The following SPATA2 variants were observed in gnomAD, a reference collection of about 807,000 sequenced individuals.
SPATA2 encodes the protein spermatogenesis associated 2.
In SPATA2, 8 loss-of-function variants were observed where a neutral mutation model predicts 35.4. That is an observed-to-expected ratio of 0.23 (90% CI 0.13 to 0.41). The LOEUF (loss-of-function observed/expected upper bound fraction) is 0.41. SPATA2 is among the 10% of genes least tolerant of loss of function. SPATA2 has a pLI of 1.00. For synonymous variants in SPATA2, 293 were observed against 300.9 expected (o/e 0.97, Z 0.27); for missense variants, 650 against 698.7 (o/e 0.93, Z 0.79).
intron 1 of SPATA2, among the ~76,000 whole-genome samples, chr20:49,914,513 C>T (rs896257939): frequency 6.6e-6 from 1 of 152,178 alleles, no homozygotes; most frequent in African/African-American, 2.4e-5. Context: ...CCCACCCACA[C>T]CAATGCACTC....
intron 1 of SPATA2, among the ~76,000 whole-genome samples, chr20:49,910,043 T>G (rs1299595409): frequency 6.6e-6 from 1 of 152,160 alleles, no homozygotes; most frequent in Non-Finnish European, 1.5e-5. Context: ...TACACAATCT[T>G]GTCATCTGCT....
chr20:49,914,968 A>T (rs1272359451), intron 1 of SPATA2, among the ~76,000 whole-genome samples: 1 of 152,200 alleles, frequency 6.6e-6, no homozygotes. Context: ...CAATCACTTA[A>T]ATAGGCAACT....
At position 49,908,210 on chromosome 20, in the gene SPATA2, G is replaced by A. The variant is rs1388071831; in HGVS notation, c.281C>T (p.Thr94Met). The A allele has an allele frequency of 5.0e-6, 8 of 1,613,690 alleles. No individual in the cohort carries two copies. Among genetic ancestry groups the A allele is most frequent in the South Asian group, 2.2e-5 (2 of 91,060 alleles). Residue 94 changes from threonine to methionine, a missense_variant, in exon 2 of 3, where the codon ACG (threonine) becomes ATG (methionine). Coordinates refer to ENST00000289431, the MANE Select transcript of SPATA2 (RefSeq NM_006038.4). ...ALHGAFSMLE[T>M]VGINLFLYPW... Reference sequence around the variant, plus strand: ...GTAGAGGAAGAGGTTGATGCCCACCGTCTCCAGCATGCTGAAGGCGCCGTG... The same window carrying A: ...GTAGAGGAAGAGGTTGATGCCCACCATCTCCAGCATGCTGAAGGCGCCGTG...
At chr20:49,913,086 G>A (rs1276500517) in intron 1 of SPATA2, among the ~76,000 whole-genome samples, 2 of 152,180 alleles carry the variant, frequency 1.3e-5, no homozygotes, top group South Asian at 2.1e-4. Flanking sequence ...TCCGGCCTGG[G>A]TGACAGAGCA....
chr20:49,909,552 A>G (rs1434451091), intron 1 of SPATA2, among the ~76,000 whole-genome samples: 1 of 152,078 alleles, frequency 6.6e-6, no homozygotes, highest in Non-Finnish European at 1.5e-5. Flanking sequence ...CAAAAATACA[A>G]AAAAATTTTT....
chr20:49,908,182 C>G lies in SPATA2; in HGVS notation c.309G>C (p.Pro103=). 1 of 1,610,410 alleles carries G rather than the reference C, an allele frequency of 6.2e-7. No individual in the cohort carries two copies. Among genetic ancestry groups the G allele is most frequent in the Non-Finnish European group, 8.5e-7 (1 of 1,177,884 alleles). ...ETVGINLFLY[P]WKKEFRSIKT... ...TGATGCTTCTGAATTCCTTCTTCCA[C>G]GGGTAGAGGAAGAGGTTGATGCCCA... Residue 103 remains proline (P), a synonymous_variant, in exon 2 of 3, where the codon CCG becomes CCC. Transcript: ENST00000289431.
chr20:49,915,002 T>C (rs2090201518), intron 1 of SPATA2, among the ~76,000 whole-genome samples: 1 of 152,222 alleles, frequency 6.6e-6, no homozygotes, highest in African/African-American at 2.4e-5. Flanking sequence ...TGAAGTGACT[T>C]ATCCAAGGTC....
intron 1 of SPATA2, among the ~76,000 whole-genome samples, chr20:49,909,619 C>T (rs1360147673): frequency 2.0e-5 from 3 of 151,816 alleles, no homozygotes; most frequent in African/African-American, 7.3e-5. Context: ...AAGCTGAGCT[C>T]AGAACCCAGG....
Position 49,904,109 on chromosome 20 carries a change from C to T in SPATA2, c.*1510G>A, listed in dbSNP as rs1318447784. 1 of 152,292 alleles carries T rather than the reference C, an allele frequency of 6.6e-6. No individual in the cohort carries two copies. Among genetic ancestry groups the T allele is most frequent in the East Asian group, 1.9e-4 (1 of 5,192 alleles). The allele number at this position is 152,292 out of a possible 1,614,324, so 9.4% of individuals were successfully genotyped here. On this transcript the variant is annotated 3_prime_UTR_variant, in exon 3 of 3. Transcript: ENST00000289431. ...CCAGAAAAGCCCACTGCATATAAAT[C>T]CCTTAACATTGTGTACATCACAAAC...
chr20:49,904,478 C>G lies in SPATA2; in HGVS notation c.*1141G>C, dbSNP rs1283188249. 1 of 152,606 alleles carries G rather than the reference C, an allele frequency of 6.6e-6. No individual in the cohort carries two copies. Among genetic ancestry groups the G allele is most frequent in the Admixed American group, 6.5e-5 (1 of 15,274 alleles). 9.5% of individuals were successfully genotyped at this position (152,606 alleles called of 1,614,324 possible). ...AACGAGACTCAAGAAGTGTGAAGTG[C>G]AAGGTTCCTGCTCAGCAAGCTATAG... On this transcript the variant is annotated 3_prime_UTR_variant, in exon 3 of 3. Transcript: ENST00000289431.
chr20:49,906,787 C>T lies in SPATA2; in HGVS notation c.395G>A (p.Arg132Gln), dbSNP rs766687991. 9.9e-6 allele frequency: 16 copies of T among 1,613,514 alleles called. No homozygotes were observed. Among genetic ancestry groups the T allele is most frequent in the South Asian group, 4.4e-5 (4 of 91,076 alleles). The change falls in exon 3 of 3, where the codon CGA becomes CAA. Residue 132 changes from arginine (R) to glutamine (Q), a missense_variant. Coordinates refer to ENST00000289431, the MANE Select transcript of SPATA2 (RefSeq NM_006038.4). The surrounding 1 kb of genome is among the most constrained non-coding windows in gnomAD (Gnocchi z 8.2). ...VKSTLLEEDI[R>Q]AILSCMGYTP... ...GTAGCCCATGCAGCTCAGGATGGCT[C>T]GGATGTCCTCTTCCAGTAATGTCGA...
At chr20:49,907,965 T>C (rs1206437011) in intron 2 of SPATA2, among the ~76,000 whole-genome samples, 190 bp downstream of exon 2, 3 of 152,192 alleles carry the variant, frequency 2.0e-5, no homozygotes, top group Non-Finnish European at 2.9e-5. Flanking sequence ...CCAGCTTCTC[T>C]GCTTAAGGTG....
intron 2 of SPATA2, among the ~76,000 whole-genome samples, 162 bp from the exon 3 acceptor site, chr20:49,907,007 G>A (rs866196528): frequency 7.2e-5 from 11 of 152,190 alleles, no homozygotes; most frequent in East Asian, 3.9e-4. Flanking sequence ...GGCAGAAGAC[G>A]CAGGAGCTGG....
In SPATA2 at chr20:49,905,510, G is replaced by T; in HGVS notation, c.*109C>A. On this transcript the variant is annotated 3_prime_UTR_variant, in exon 3 of 3. Transcript: ENST00000289431. ...AGCCCACGATCTCTGCCACCTACAT[G>T]GTCAAGTGCAGGCCTCCGCCTCTGA... 1 of 1,266,470 alleles carries T rather than the reference G, an allele frequency of 7.9e-7. No individual in the cohort carries two copies. Among genetic ancestry groups the T allele is most frequent in the Non-Finnish European group, 1.1e-6 (1 of 908,490 alleles). The allele number at this position is 1,266,470 out of a possible 1,614,324, so 78.5% of individuals were successfully genotyped here. A position where few individuals can be genotyped will look rare whatever the true frequency, so the allele number is the denominator to read the frequency against.
In SPATA2 at chr20:49,906,239, C is replaced by T. The variant is rs900775593; in HGVS notation, c.943G>A (p.Ala315Thr). The change falls in exon 3 of 3, where the codon GCC (alanine) becomes ACC (threonine). Residue 315 changes from alanine (A) to threonine (T), a missense_variant. Transcript: ENST00000289431. The surrounding 1 kb of genome is among the most constrained non-coding windows in gnomAD (Gnocchi z 8.2). ...PHGSPDVLPPASPSNGPALLR... is the reference protein window; with the variant it reads ...PHGSPDVLPPTSPSNGPALLR... ...AGGGCCGGGCCGTTGCTGGGGGAGG[C>T]GGGTGGAAGCACATCCGGGCTGCCG... 13 of 1,566,658 alleles carry T rather than the reference C, an allele frequency of 8.3e-6. No individual in the cohort carries two copies. The highest frequency in any genetic ancestry group is 4.9e-5 in the South Asian group (4 of 82,420).
At position 49,903,899 on chromosome 20, in the gene SPATA2, A is replaced by AT. The variant is rs1568904328; in HGVS notation, c.*1719dup. 1.2e-4 allele frequency: 8 copies of AT among 65,642 alleles called. No individual in the cohort carries two copies. The highest frequency in any genetic ancestry group is 2.1e-4 in the Non-Finnish European group (8 of 38,664). The allele number at this position is 65,642 out of a possible 1,614,324, so 4.1% of individuals were successfully genotyped here. On this transcript the variant is annotated 3_prime_UTR_variant, in exon 3 of 3. Coordinates refer to ENST00000289431, the MANE Select transcript of SPATA2 (RefSeq NM_006038.4). Reference sequence around the variant, plus strand: ...TGTACATCTACATGTGATCTACCAGATAGATATATATATATATATATATAT... The same window carrying AT: ...TGTACATCTACATGTGATCTACCAGATTAGATATATATATATATATATATAT...
intron 1 of SPATA2, among the ~76,000 whole-genome samples, chr20:49,912,686 C>T (rs1316462257): frequency 6.6e-6 from 1 of 152,094 alleles, no homozygotes; most frequent in Non-Finnish European, 1.5e-5. Flanking sequence ...GTCTCAAGCT[C>T]GGCTCAGCGT....
intron 1 of SPATA2, among the ~76,000 whole-genome samples, chr20:49,915,011 T>G (rs147601160): frequency 6.6e-6 from 1 of 152,330 alleles, no homozygotes; most frequent in African/African-American, 2.4e-5. Context: ...TTATCCAAGG[T>G]CACACAGTGA....
intron 1 of SPATA2, among the ~76,000 whole-genome samples, chr20:49,908,868 G>A (rs927374804): frequency 6.6e-6 from 1 of 152,224 alleles, no homozygotes; most frequent in African/African-American, 2.4e-5. Flanking sequence ...CGTTGGGGAA[G>A]GGCGAGTTTA....
Sources: allele counts gnomAD v4.1 joint callset (sites outside exome capture counted in the v4.1 genomes callset), GRCh38; gene constraint gnomAD v4.1.1; non-coding constraint Gnocchi (gnomAD v3.1); transcripts MANE v1.5; gene names NCBI Gene and HGNC (gene_info 2026-07-23, HGNC 2026-07-21).